Variants in USP46 observed in about 807,000 individuals in gnomAD.
USP46 encodes the protein ubiquitin specific peptidase 46.
A neutral mutation model predicts 44.4 loss-of-function variants in USP46; 12 were observed. That is an observed-to-expected ratio of 0.27 (90% confidence interval 0.17 to 0.44). The LOEUF (loss-of-function observed/expected upper bound fraction) is 0.44, where lower values mean the gene tolerates loss of function less well. USP46 is among the 20% of genes least tolerant of loss of function. The pLI, the probability that USP46 is intolerant of heterozygous loss-of-function variation, is 1.00. For missense variants in USP46, 248 were observed against 444.8 expected (o/e 0.56, Z 3.98); for synonymous variants, 155 against 161.5 (o/e 0.96, Z 0.31).
Position 52,592,514 on chromosome 4 carries a change from GC to G in USP46, c.*5125del, listed in dbSNP as rs765705443. The stretch of plus-strand genomic sequence containing the variant: ...GGTTAAGCACCATCCCCCTAGTACT[GC>G]CTCATGACTGAGTTCTCACGAGATC... On this transcript the variant is annotated 3_prime_UTR_variant, in exon 9 of 9. Transcript: ENST00000441222. 4.0e-4 allele frequency: 72 copies of G among 179,466 alleles called. No homozygotes were observed. Among genetic ancestry groups the G allele is most frequent in the Middle Eastern group, 2.2e-3 (1 of 450 alleles). 11.1% of individuals were successfully genotyped at this position (179,466 alleles called of 1,614,324 possible).
At chr4:52,619,466 G>T (rs763867259) in intron 4 of USP46, among the ~76,000 whole-genome samples, 2 of 152,204 alleles carry the variant, frequency 1.3e-5, no homozygotes, top group African/African-American at 4.8e-5. Context: ...ATCCTACAGT[G>T]AGACTTCATA....
At chr4:52,652,322 G>C (rs1202500048) in intron 1 of USP46, among the ~76,000 whole-genome samples, 2 of 152,180 alleles carry the variant, frequency 1.3e-5, no homozygotes, top group Non-Finnish European at 2.9e-5. Context: ...TCTTTGGAGA[G>C]CAATCAGGCA....
chr4:52,626,618 T>A (rs1391860549), intron 3 of USP46, among the ~76,000 whole-genome samples: 2 of 152,160 alleles, frequency 1.3e-5, no homozygotes, highest in Non-Finnish European at 2.9e-5. Context: ...CCACCGCGCC[T>A]GGCCCATACT....
At chr4:52,599,619 A>G (rs1428936234) in intron 7 of USP46, among the ~76,000 whole-genome samples, 1 of 152,240 alleles carries the variant, frequency 6.6e-6, no homozygotes, top group Non-Finnish European at 1.5e-5. Context: ...CTATATGGAA[A>G]AAAGCAGAAA....
intron 1 of USP46, among the ~76,000 whole-genome samples, chr4:52,655,797 G>A (rs959590760): frequency 2.6e-5 from 4 of 152,114 alleles, no homozygotes; most frequent in African/African-American, 7.2e-5. Flanking sequence ...GAATTACCAT[G>A]GCAGGAATTC....
At position 52,593,507 on chromosome 4, in the gene USP46, T is replaced by G. The variant is rs1450125880; in HGVS notation, c.*4133A>C. ...GCCCAAGCATGTATTCCGATGACAA[T>G]CTTCTGTCCACCCACAGGTGCCCTG... On this transcript the variant is annotated 3_prime_UTR_variant, in exon 9 of 9. Coordinates refer to ENST00000441222, the MANE Select transcript of USP46 (RefSeq NM_022832.4). 1 of 152,216 alleles carries G rather than the reference T, an allele frequency of 6.6e-6. No individual in the cohort carries two copies. The highest frequency in any genetic ancestry group is 2.4e-5 in the African/African-American group (1 of 41,444). 9.4% of individuals were successfully genotyped at this position (152,216 alleles called of 1,614,324 possible).
At chr4:52,644,426 T>G (rs1265368578) in intron 1 of USP46, among the ~76,000 whole-genome samples, 1 of 152,132 alleles carries the variant, frequency 6.6e-6, no homozygotes, top group Non-Finnish European at 1.5e-5. Flanking sequence ...AACCCCCAGG[T>G]ACAGTTCTGT....
intron 5 of USP46, among the ~76,000 whole-genome samples, chr4:52,608,193 T>C (rs994283711): frequency 2.0e-5 from 3 of 152,256 alleles, no homozygotes; most frequent in African/African-American, 7.2e-5. Flanking sequence ...ATTTTAAAAC[T>C]TTAAAAAATG....
At chr4:52,633,734 T>C (rs1718002763) in intron 1 of USP46, among the ~76,000 whole-genome samples, 1 of 152,178 alleles carries the variant, frequency 6.6e-6, no homozygotes, top group Admixed American at 6.5e-5. Context: ...TTTCTACCTA[T>C]CTTAATATTT....
At chr4:52,621,663 TAA>T in intron 4 of USP46, among the ~76,000 whole-genome samples, 1 of 139,090 alleles carries the variant, frequency 7.2e-6, no homozygotes, top group Non-Finnish European at 1.6e-5. Context: ...CTCACACACA[TAA>T]AAAAAAAAAA....
In USP46 at chr4:52,593,117, G is replaced by C; in HGVS notation, c.*4523C>G. 1 of 395,316 alleles carries C rather than the reference G, an allele frequency of 2.5e-6. No individual in the cohort carries two copies. Among genetic ancestry groups the C allele is most frequent in the Admixed American group, 4.4e-5 (1 of 22,658 alleles). 24.5% of individuals were successfully genotyped at this position (395,316 alleles called of 1,614,324 possible). A position where few individuals can be genotyped will look rare whatever the true frequency, so the allele number is the denominator to read the frequency against. The stretch of plus-strand genomic sequence containing the variant: ...ATTTTTATCTTCATGTAAATATAAG[G>C]GAATGGAAATGGAAGGCTTCATTTT... On this transcript the variant is annotated 3_prime_UTR_variant, in exon 9 of 9. Coordinates refer to ENST00000441222, the MANE Select transcript of USP46 (RefSeq NM_022832.4).
chr4:52,615,308 A>C (rs528825178), intron 4 of USP46, among the ~76,000 whole-genome samples: 1 of 152,302 alleles, frequency 6.6e-6, no homozygotes, highest in South Asian at 2.1e-4. Context: ...TTATATATAA[A>C]GACACAGGTT....
Position 52,628,058 on chromosome 4 carries a change from T to G in USP46, c.223A>C (p.Asn75His). The change falls in exon 3 of 9, where the codon AAC (asparagine) becomes CAC (histidine). Residue 75 changes from asparagine to histidine, a missense_variant. By Grantham distance (68) the Asn-to-His change is moderately conservative. Coordinates refer to ENST00000441222, the MANE Select transcript of USP46 (RefSeq NM_022832.4). ...AYKAQQKKKE[N>H]LLTCLADLFH... ...AGGTCCGCCAGGCACGTCAGCAAGT[T>G]TTCCTTCTTCTTTTGCTGGGCCTTG... The G allele has an allele frequency of 1.2e-6, 2 of 1,614,008 alleles. No individual in the cohort carries two copies. The highest frequency in any genetic ancestry group is 1.7e-6 in the Non-Finnish European group (2 of 1,179,886).
intron 1 of USP46, among the ~76,000 whole-genome samples, chr4:52,652,846 G>A (rs1219298438): frequency 6.6e-6 from 1 of 152,014 alleles, no homozygotes; most frequent in African/African-American, 2.4e-5. Context: ...CACTGGGTGG[G>A]GAGTACACGA....
chr4:52,632,754 T>G (rs1319030297), intron 1 of USP46, among the ~76,000 whole-genome samples: 3 of 150,710 alleles, frequency 2.0e-5, no homozygotes, highest in Admixed American at 6.6e-5. Context: ...GGCTGTGCAG[T>G]GAGCTGTGAT....
At chr4:52,616,287 A>T (rs1431878788) in intron 4 of USP46, among the ~76,000 whole-genome samples, 2 of 152,198 alleles carry the variant, frequency 1.3e-5, no homozygotes, top group Non-Finnish European at 2.9e-5. Flanking sequence ...GAATTATCTG[A>T]TTCAGAATGT....
intron 4 of USP46, among the ~76,000 whole-genome samples, chr4:52,618,996 A>C (rs1717275107): frequency 2.0e-5 from 3 of 152,226 alleles, no homozygotes; most frequent in Non-Finnish European, 1.5e-5. Context: ...GTAGAGCAAA[A>C]GCTCAGCTTA....
Position 52,597,739 on chromosome 4 carries a change from T to C in USP46, c.1002A>G (p.Lys334=). The C allele has an allele frequency of 6.3e-7, 1 of 1,588,650 alleles. No individual in the cohort carries two copies. Among genetic ancestry groups the C allele is most frequent in the Non-Finnish European group, 8.6e-7 (1 of 1,168,818 alleles). ...WLLFDDDIVE[K]IDAQAIEEFY... ...ATTCTTCAATAGCTTGAGCATCTATTTTCTGCAATAAAGGAGAAAGAAAAC... is the reference window on the plus strand; with the variant it reads ...ATTCTTCAATAGCTTGAGCATCTATCTTCTGCAATAAAGGAGAAAGAAAAC... Residue 334 remains lysine (K), a splice_region_variant and synonymous_variant, in exon 9 of 9, where the codon AAA becomes AAG. Transcript: ENST00000441222.
intron 1 of USP46, among the ~76,000 whole-genome samples, chr4:52,636,858 GCAGT>G (rs1718137519): frequency 4.7e-5 from 7 of 150,512 alleles, no homozygotes; most frequent in Middle Eastern, 6.8e-3. Flanking sequence ...TGCCCAGACT[GCAGT>G]GCATGGGTGT....
Sources: allele counts gnomAD v4.1 joint callset (sites outside exome capture counted in the v4.1 genomes callset), GRCh38; gene constraint gnomAD v4.1.1; transcripts MANE v1.5; gene names NCBI Gene and HGNC (gene_info 2026-07-23, HGNC 2026-07-21).